Variants in PRR11 observed in about 807,000 individuals in gnomAD.
PRR11 encodes the protein proline rich 11, also known as proline-rich protein 11.
Under a neutral mutation model 45.6 loss-of-function variants are expected in PRR11, and 30 were observed. That is an observed-to-expected ratio of 0.66 (90% CI 0.49 to 0.89). The LOEUF is 0.89. Ranked by LOEUF, PRR11 falls within the 40% of genes least tolerant of loss-of-function variation. The pLI, the probability that PRR11 is intolerant of heterozygous loss-of-function variation, is 0.00. For synonymous variants in PRR11, 128 were observed against 153.5 expected (o/e 0.83, Z 1.23); for missense variants, 373 against 424.8 (o/e 0.88, Z 1.07).
rs2046851467 is a variant in PRR11 at position 59,193,810 on chromosome 17, CT to C, written c.645+80del. On this transcript the variant is annotated intron_variant, in intron 5 of 9. Coordinates refer to ENST00000262293, the MANE Select transcript of PRR11 (RefSeq NM_018304.4). ...TAATATAGGAGTAAAGCCAAGTGGC[CT>C]TTTAAGGCCAGGCTAATCAGGGCTT... 9 of 1,497,096 alleles carry C rather than the reference CT, an allele frequency of 6.0e-6. No individual in the cohort carries two copies. In the South Asian group the frequency reaches 7.4e-5, roughly 12 times the overall value. The allele number at this position is 1,497,096 out of a possible 1,614,324, so 92.7% of individuals were successfully genotyped here.
In PRR11 at chr17:59,174,391, C is replaced by G. The variant is rs181452387; in HGVS notation, c.128+4511C>G. 1.0e-3 allele frequency among the ~76,000 whole-genome samples: 158 copies of G among 152,324 alleles called. 1 individual carries two copies. Among genetic ancestry groups the G allele is most frequent in the Middle Eastern group, 0.01 (3 of 294 alleles). On this transcript the variant is annotated intron_variant, in intron 2 of 9. Transcript: ENST00000262293. ...TCTGTGCTGAACGTGGTTAGCTGCA[C>G]AAGATGTGAACCAAAGCTTCACTGA...
chr17:59,174,186 C>G (rs1479762543), intron 2 of PRR11, among the ~76,000 whole-genome samples: 1 of 152,100 alleles, frequency 6.6e-6, no homozygotes, highest in Admixed American at 6.5e-5. Flanking sequence ...TGGGTCTGCC[C>G]AGGGAGTAGG....
At chr17:59,180,645 A>G (rs1051210390) in intron 2 of PRR11, among the ~76,000 whole-genome samples, 5 of 150,604 alleles carry the variant, frequency 3.3e-5, no homozygotes, top group African/African-American at 1.2e-4. Flanking sequence ...AGCTGGGAAT[A>G]CAGGCGTGCG....
intron 7 of PRR11, among the ~76,000 whole-genome samples, chr17:59,196,355 C>T (rs546660326): frequency 6.6e-6 from 1 of 151,952 alleles, no homozygotes; most frequent in East Asian, 1.9e-4. Context: ...CTGAAAGCAA[C>T]CTGTTTTATT....
rs1000025106 is a variant in PRR11, at chr17:59,160,834, C to T, written c.-6+5029C>T. On this transcript the variant is annotated intron_variant, in intron 1 of 9. Transcript: ENST00000262293. ...CTGCAGCCTCAAGCTCCTGTGCTCA[C>T]GTGAGCCTCCCGCCTCACCCTTCAG... The T allele has an allele frequency of 6.6e-5, 10 of 152,094 alleles. No homozygotes were observed. The East Asian group carries it at 1.7e-3, about 27-fold the overall frequency. The allele number at this position is 152,094 out of a possible 1,614,324, so 9.4% of individuals were successfully genotyped here.
intron 2 of PRR11, among the ~76,000 whole-genome samples, chr17:59,176,578 C>T (rs531897066): frequency 1.1e-3 from 169 of 151,328 alleles, no homozygotes; most frequent in Non-Finnish European, 1.8e-3. Flanking sequence ...GGGGAAGCAT[C>T]GTGTCCGCTC....
chr17:59,177,433 A>G (rs2046754052), intron 2 of PRR11, among the ~76,000 whole-genome samples: 1 of 152,114 alleles, frequency 6.6e-6, no homozygotes, highest in Admixed American at 6.5e-5. Flanking sequence ...GTCGGATGCA[A>G]ATCCGAGAAG....
At chr17:59,172,273 A>G (rs542683017) in intron 2 of PRR11, among the ~76,000 whole-genome samples, 1 of 152,356 alleles carries the variant, frequency 6.6e-6, no homozygotes, top group East Asian at 1.9e-4. Flanking sequence ...AGCGGTATAA[A>G]AATAGAGGTG....
At chr17:59,175,939 G>A (rs1266661004) in intron 2 of PRR11, among the ~76,000 whole-genome samples, 2 of 152,172 alleles carry the variant, frequency 1.3e-5, no homozygotes, top group Non-Finnish European at 2.9e-5. Context: ...CATTGATATT[G>A]TGCCAAGACC....
intron 9 of PRR11, among the ~76,000 whole-genome samples, chr17:59,201,202 C>A (rs1229206306): frequency 6.6e-6 from 1 of 151,570 alleles, no homozygotes; most frequent in Non-Finnish European, 1.5e-5. Context: ...TTAAATATTT[C>A]TTTGGGCAGT....
At chr17:59,172,160 T>C (rs999858790) in intron 2 of PRR11, among the ~76,000 whole-genome samples, 2 of 152,230 alleles carry the variant, frequency 1.3e-5, no homozygotes, top group Non-Finnish European at 2.9e-5. Context: ...AATTCTGTGC[T>C]AATCTGAGTG....
intron 7 of PRR11, among the ~76,000 whole-genome samples, chr17:59,196,935 C>T (rs766696045): frequency 3.3e-5 from 5 of 151,982 alleles, no homozygotes; most frequent in Admixed American, 1.3e-4. Context: ...CTACAACCTC[C>T]GCCTCCCAGG....
chr17:59,173,935 A>C (rs2094227504), intron 2 of PRR11, among the ~76,000 whole-genome samples: 1 of 152,196 alleles, frequency 6.6e-6, no homozygotes, highest in African/African-American at 2.4e-5. Context: ...GAGAGAGAGG[A>C]TGTCATACTT....
At chr17:59,180,511 TTTTTTTTG>T (rs1265808958) in intron 2 of PRR11, among the ~76,000 whole-genome samples, 5 of 124,892 alleles carry the variant, frequency 4.0e-5, no homozygotes, top group Admixed American at 3.8e-4. Context: ...TTTTTTTTTG[TTTTTTTTG>T]TTTTTTTTGC....
chr17:59,180,510 G>GT lies in PRR11; in HGVS notation c.129-4536dup, dbSNP rs1555716481. On this transcript the variant is annotated intron_variant, in intron 2 of 9. Transcript: ENST00000262293. ...GGCCCGTCCTTGTTTTTTTTTTTTT[G>GT]TTTTTTTTGTTTTTTTTGCCACAGG... is the stretch of plus-strand genomic sequence containing the variant. 1.8e-3 allele frequency among the ~76,000 whole-genome samples: 192 copies of GT among 108,638 alleles called. 3 individuals carry two copies. Among genetic ancestry groups the GT allele is most frequent in the African/African-American group, 5.2e-3 (118 of 22,604 alleles). 71.3% of individuals were successfully genotyped at this position (108,638 alleles called of 152,430 possible).
rs919235783 is a variant in PRR11 at position 59,156,406 on chromosome 17, T to TA, written c.-6+613dup. Reference sequence around the variant, plus strand: ...AAGACAGAACAAAAACAGCAATGCTTAAAAAAAAAAAAGCATAAAACATAA... The same window carrying TA: ...AAGACAGAACAAAAACAGCAATGCTTAAAAAAAAAAAAAGCATAAAACATAA... On this transcript the variant is annotated intron_variant, in intron 1 of 9. Coordinates refer to ENST00000262293, the MANE Select transcript of PRR11 (RefSeq NM_018304.4). Among the ~76,000 whole-genome samples the TA allele has an allele frequency of 5.1e-3, 714 of 140,222 alleles. 10 individuals are homozygous for TA. Among genetic ancestry groups the TA allele is most frequent in the South Asian group, 0.024 (104 of 4,412 alleles). The allele number at this position is 140,222 out of a possible 152,430, so 92.0% of individuals were successfully genotyped here. A position where few individuals can be genotyped will look rare whatever the true frequency, so the allele number is the denominator to read the frequency against.
chr17:59,191,733 T>C (rs1213753038), intron 4 of PRR11, among the ~76,000 whole-genome samples: 1 of 152,162 alleles, frequency 6.6e-6, no homozygotes. Flanking sequence ...CAGAGTGGTT[T>C]CTATTTTCCT....
chr17:59,186,568 G>GT (rs2046815516), intron 4 of PRR11, among the ~76,000 whole-genome samples: 1 of 150,038 alleles, frequency 6.7e-6, no homozygotes, highest in African/African-American at 2.5e-5. Flanking sequence ...AAATTTTTTA[G>GT]TTTTTTATAG....
At chr17:59,189,050 T>C (rs2046828240) in intron 4 of PRR11, among the ~76,000 whole-genome samples, 1 of 151,112 alleles carries the variant, frequency 6.6e-6, no homozygotes, top group South Asian at 2.1e-4. Flanking sequence ...TTAAAATGTA[T>C]AACTTTGGGA....
Sources: gnomAD v4.1 joint callset for allele counts (sites outside exome capture counted in the v4.1 genomes callset) on GRCh38, gnomAD v4.1.1 for gene constraint, MANE v1.5 for transcripts, NCBI Gene and HGNC (gene_info 2026-07-23, HGNC 2026-07-21) for gene names.